RBFOX1: variants seen among roughly 807,000 people sequenced by gnomAD.
RBFOX1 encodes the protein RNA binding fox-1 homolog 1, also known as RNA binding protein fox-1 homolog 1.
Under a neutral mutation model 57.7 loss-of-function variants are expected in RBFOX1, and 8 were observed. That is an observed-to-expected ratio of 0.14 (90% CI 0.08 to 0.25). The LOEUF (loss-of-function observed/expected upper bound fraction) is 0.25. RBFOX1 is among the 10% of genes least tolerant of loss of function. The probability of loss-of-function intolerance (pLI) is 1.00; values close to 1 mark genes in which losing one functional copy is unlikely to be tolerated. For synonymous variants in RBFOX1, 326 were observed against 222.4 expected (o/e 1.47, Z -4.15); for missense variants, 611 against 548.5 (o/e 1.11, Z -1.14).
intron 3 of RBFOX1, among the ~76,000 whole-genome samples, chr16:6,865,851 G>T (rs116459718): frequency 9.2e-5 from 14 of 151,880 alleles, no homozygotes; most frequent in South Asian, 2.1e-4. Context: ...TCTTTTTTGC[G>T]TGTAGGCTTA....
chr16:7,432,181 C>G lies in RBFOX1; in HGVS notation c.28-85966C>G, dbSNP rs541262559. On this transcript the variant is annotated intron_variant, in intron 4 of 15. Transcript: ENST00000550418. The stretch of plus-strand genomic sequence containing the variant: ...GCCTGCTGGCACCCAGAGCTTTTGC[C>G]TGGGGCGGAAATGTGGCTGTCTGAC... Among the ~76,000 whole-genome samples the G allele has an allele frequency of 1.1e-4, 17 of 152,340 alleles. No individual in the cohort carries two copies. The South Asian group carries it at 2.9e-3, about 26-fold the overall frequency.
intron 4 of RBFOX1, among the ~76,000 whole-genome samples, chr16:7,233,208 C>G (rs116074806): frequency 1.4e-5 from 2 of 139,154 alleles, no homozygotes; most frequent in Admixed American, 1.6e-4. Flanking sequence ...CCTTGCTAAA[C>G]TCATCCTTTT....
Position 6,026,831 on chromosome 16 carries a change from C to T in RBFOX1, c.-127+6839C>T, listed in dbSNP as rs187951332. Reference sequence around the variant, plus strand: ...CGCTCTGAGTATGATTTTGAGGGAGCGGTTGGACCACCTGCCTGGTTACAG... The same window carrying T: ...CGCTCTGAGTATGATTTTGAGGGAGTGGTTGGACCACCTGCCTGGTTACAG... On this transcript the variant is annotated intron_variant, in intron 1 of 15. Transcript: ENST00000550418. Among the ~76,000 whole-genome samples, 7 of 152,270 alleles carry T rather than the reference C, an allele frequency of 4.6e-5. No homozygotes were observed. The East Asian group carries it at 1.2e-3, about 25-fold the overall frequency.
At chr16:7,322,459 T>C (rs2096557840) in intron 4 of RBFOX1, among the ~76,000 whole-genome samples, 1 of 152,220 alleles carries the variant, frequency 6.6e-6, no homozygotes, top group Admixed American at 6.5e-5. Context: ...CTTAAGGGAT[T>C]TTGACTTTGC....
At chr16:7,014,834 C>T (rs1049028461) in intron 3 of RBFOX1, among the ~76,000 whole-genome samples, 4 of 152,150 alleles carry the variant, frequency 2.6e-5, no homozygotes, top group African/African-American at 9.7e-5. Flanking sequence ...AAGCACTTCT[C>T]CTGCATTAGC....
At chr16:5,321,230 G>C (rs1322275161) in intron 1 of RBFOX1, among the ~76,000 whole-genome samples, 1 of 152,158 alleles carries the variant, frequency 6.6e-6, no homozygotes, top group Non-Finnish European at 1.5e-5. Context: ...AATGTCTCCA[G>C]ACGTTGAATG....
chr16:6,692,437 C>T (rs940459995), intron 3 of RBFOX1, among the ~76,000 whole-genome samples: 1 of 152,152 alleles, frequency 6.6e-6, no homozygotes, highest in African/African-American at 2.4e-5. Context: ...ATCACTGGTA[C>T]ATTATTCTTC....
In RBFOX1 at chr16:7,357,951, G is replaced by A. The variant is rs914525044; in HGVS notation, c.28-160196G>A. ...CTGTTTTTTACTTTTTACTGTCTCT[G>A]TCTTAATAGGGAGGGTTACTTTCAT... On this transcript the variant is annotated intron_variant, in intron 4 of 15. Coordinates refer to ENST00000550418, the MANE Select transcript of RBFOX1 (RefSeq NM_018723.4). Among the ~76,000 whole-genome samples the A allele has an allele frequency of 1.4e-4, 21 of 152,142 alleles. No individual in the cohort carries two copies. The South Asian group carries it at 4.2e-3, about 30-fold the overall frequency.
intron 7 of RBFOX1, among the ~76,000 whole-genome samples, chr16:7,592,077 G>A (rs756755333): frequency 6.6e-6 from 1 of 152,044 alleles, no homozygotes; most frequent in Non-Finnish European, 1.5e-5. Flanking sequence ...ATTGCCCAAC[G>A]GAACAGGTAG....
intron 2 of RBFOX1, among the ~76,000 whole-genome samples, chr16:6,491,535 T>C (rs1202285643): frequency 2.0e-5 from 3 of 152,214 alleles, no homozygotes; most frequent in African/African-American, 7.2e-5. Context: ...TTTGTTGTAA[T>C]GTACTAGCTA....
At chr16:7,470,570 TGATG>T (rs1032139326) in intron 4 of RBFOX1, among the ~76,000 whole-genome samples, 6 of 149,818 alleles carry the variant, frequency 4.0e-5, no homozygotes, top group Admixed American at 3.3e-4. Flanking sequence ...GCAGATGAGG[TGATG>T]GATGGATGGA....
chr16:5,780,200 A>T (rs1415016138), intron 3 of RBFOX1, among the ~76,000 whole-genome samples: 1 of 152,098 alleles, frequency 6.6e-6, no homozygotes, highest in East Asian at 1.9e-4. Flanking sequence ...ATGGGATTTC[A>T]CTATCTTGGC....
chr16:6,867,348 C>G (rs1477477066), intron 3 of RBFOX1, among the ~76,000 whole-genome samples: 2 of 151,870 alleles, frequency 1.3e-5, no homozygotes, highest in East Asian at 3.9e-4. Context: ...GGAATAACCT[C>G]TCTTGGGGTA....
At chr16:5,800,797 A>G (rs1023570648) in intron 3 of RBFOX1, among the ~76,000 whole-genome samples, 2 of 152,120 alleles carry the variant, frequency 1.3e-5, no homozygotes, top group African/African-American at 4.8e-5. Flanking sequence ...TCCTAGTGCC[A>G]TTGGATCCCT....
chr16:7,206,322 C>A (rs564925969), intron 4 of RBFOX1, among the ~76,000 whole-genome samples: 1 of 152,014 alleles, frequency 6.6e-6, no homozygotes, highest in African/African-American at 2.4e-5. Flanking sequence ...GTGTACCATG[C>A]AATTGGTTTG....
At chr16:6,462,137 A>G (rs10492833) in intron 2 of RBFOX1, among the ~76,000 whole-genome samples, 4,691 of 152,252 alleles carry the variant, frequency 0.031, 249 homozygotes, top group African/African-American at 0.11. Flanking sequence ...TTGAAAGAAA[A>G]GCAACTAATA....
At chr16:6,813,345 C>CAT (rs2089247244) in intron 3 of RBFOX1, among the ~76,000 whole-genome samples, 1 of 152,176 alleles carries the variant, frequency 6.6e-6, no homozygotes. Context: ...ATTCATGTAA[C>CAT]TGCCTTCAGA....
chr16:6,974,224 A>G (rs897192628), intron 3 of RBFOX1, among the ~76,000 whole-genome samples: 2 of 150,056 alleles, frequency 1.3e-5, no homozygotes, highest in African/African-American at 4.9e-5. Context: ...TTAATGGGGG[A>G]TAGTTGTAAC....
chr16:5,906,020 G>T (rs1284678634), intron 4 of RBFOX1, among the ~76,000 whole-genome samples: 2 of 152,314 alleles, frequency 1.3e-5, no homozygotes, highest in African/African-American at 4.8e-5. Flanking sequence ...GATGCTGTCT[G>T]CAGGTATTTG....
Sources: allele counts gnomAD v4.1 joint callset (sites outside exome capture counted in the v4.1 genomes callset), GRCh38; gene constraint gnomAD v4.1.1; transcripts MANE v1.5; gene names NCBI Gene and HGNC (gene_info 2026-07-23, HGNC 2026-07-21).